BIRC6: variants seen among roughly 807,000 people sequenced by gnomAD.
BIRC6 encodes the protein baculoviral IAP repeat containing 6.
In BIRC6, 98 loss-of-function variants were observed where a neutral mutation model predicts 503.3. The observed-to-expected ratio is 0.19, with a 90% CI of 0.17 to 0.23. BIRC6 has a LOEUF of 0.23. BIRC6 is among the 10% of genes least tolerant of loss of function. The probability of loss-of-function intolerance (pLI) is 1.00; values close to 1 mark genes in which losing one functional copy is unlikely to be tolerated. For synonymous variants in BIRC6, 2,240 were observed against 2,078.7 expected, an observed-to-expected ratio of 1.08 and a Z score of -2.11; for missense variants, 5,360 against 5,806.0, an observed-to-expected ratio of 0.92 and a Z score of 2.50.
chr2:32,429,117 A>G (rs770254907), intron 10 of BIRC6, 29 bp from the exon 11 acceptor site: 9 of 1,543,928 alleles, frequency 5.8e-6, no homozygotes, highest in South Asian at 1.2e-5. Flanking sequence ...CCTATTTTTC[A>G]TGTATCTATG....
At position 32,470,153 on chromosome 2, in the gene BIRC6, T is replaced by G. The variant is rs533737157; in HGVS notation, c.6348-15T>G. 1 of 1,477,934 alleles carries G rather than the reference T, an allele frequency of 6.8e-7. No individual in the cohort carries two copies. Among genetic ancestry groups the G allele is most frequent in the Admixed American group, 2.8e-5 (1 of 35,982 alleles). The allele number at this position is 1,477,934 out of a possible 1,614,324, so 91.6% of individuals were successfully genotyped here. A position where few individuals can be genotyped will look rare whatever the true frequency, so the allele number is the denominator to read the frequency against. On this transcript the variant is annotated splice_polypyrimidine_tract_variant and intron_variant, in intron 30 of 73. Coordinates refer to ENST00000421745, the MANE Select transcript of BIRC6 (RefSeq NM_016252.4). The stretch of plus-strand genomic sequence containing the variant: ...TGATTCTTATTCTTTTCTTTTTTGT[T>G]TGTTTTGTTTTTAGGGTCTTCATGT...
Position 32,525,609 on chromosome 2 carries a change from G to A in BIRC6, c.11901G>A (p.Leu3967=). 1 of 1,613,120 alleles carries A rather than the reference G, an allele frequency of 6.2e-7. No individual in the cohort carries two copies. The highest frequency in any genetic ancestry group is 8.5e-7 in the Non-Finnish European group (1 of 1,179,584). Reference sequence around the variant, plus strand: ...TAATTACTGTCCCAGTGTTTCACCTGTTTCACAAACTCTTGGCAGGTAATA... The same window carrying A: ...TAATTACTGTCCCAGTGTTTCACCTATTTCACAAACTCTTGGCAGGTAATA... The part of the protein sequence containing the change: ...NKIITVPVFH[L]FHKLLAGQPL... Residue 3967 remains leucine (L), a synonymous_variant, in exon 59 of 74, where the codon CTG becomes CTA. Coordinates refer to ENST00000421745, the MANE Select transcript of BIRC6 (RefSeq NM_016252.4).
intron 1 of BIRC6, among the ~76,000 whole-genome samples, chr2:32,369,590 G>A (rs779445296): frequency 5.3e-5 from 8 of 151,648 alleles, no homozygotes; most frequent in Non-Finnish European, 2.9e-5. Context: ...ACCACGCCCG[G>A]CTAATTTTTG....
chr2:32,441,826 G>GA lies in BIRC6; in HGVS notation c.3945-231dup, dbSNP rs201434628. Among the ~76,000 whole-genome samples the GA allele has an allele frequency of 7.5e-3, 1,139 of 151,204 alleles. 8 individuals carry two copies. Among genetic ancestry groups the GA allele is most frequent in the Admixed American group, 0.014 (209 of 15,210 alleles). On this transcript the variant is annotated intron_variant, in intron 17 of 73. Transcript: ENST00000421745. ...AACAGAGGGACACCCAATCTCTGGAGAAAAAAAACAAAACAAAAAGAAATT... is the reference window on the plus strand; with the variant it reads ...AACAGAGGGACACCCAATCTCTGGAGAAAAAAAAACAAAACAAAAAGAAATT...
At chr2:32,407,170 G>T (rs914494476) in intron 9 of BIRC6, among the ~76,000 whole-genome samples, 2 of 152,112 alleles carry the variant, frequency 1.3e-5, no homozygotes, top group African/African-American at 4.8e-5. Flanking sequence ...ATTAGGCCAG[G>T]CTTGGTGGCT....
At chr2:32,491,176 T>A (rs2051656271) in intron 43 of BIRC6, among the ~76,000 whole-genome samples, 1 of 152,208 alleles carries the variant, frequency 6.6e-6, no homozygotes, top group Admixed American at 6.5e-5. Flanking sequence ...CTTTTCTGTT[T>A]GACTGTACTA....
intron 66 of BIRC6, among the ~76,000 whole-genome samples, chr2:32,591,857 G>C (rs2061402614): frequency 6.6e-6 from 1 of 152,168 alleles, no homozygotes; most frequent in Admixed American, 6.5e-5. Flanking sequence ...AAGAGTCTTT[G>C]TAAATTCAAA....
chr2:32,605,978 T>C (rs954566927), intron 71 of BIRC6, among the ~76,000 whole-genome samples: 1 of 152,254 alleles, frequency 6.6e-6, no homozygotes, highest in Non-Finnish European at 1.5e-5. Flanking sequence ...TTGGGTCAAA[T>C]ACGTTACTTT....
intron 1 of BIRC6, among the ~76,000 whole-genome samples, chr2:32,364,015 A>G (rs2034512196): frequency 1.3e-5 from 2 of 152,238 alleles, no homozygotes; most frequent in African/African-American, 4.8e-5. Context: ...CTTTTAGTGT[A>G]TTGGTGTGGC....
Position 32,543,251 on chromosome 2 carries a change from C to T in BIRC6, c.12302C>T (p.Pro4101Leu). The T allele has an allele frequency of 6.2e-7, 1 of 1,613,240 alleles. No individual in the cohort carries two copies. Among genetic ancestry groups the T allele is most frequent in the Non-Finnish European group, 8.5e-7 (1 of 1,179,348 alleles). ...YPEVIQQVSA[P>L]VVTSTTQEKP... The stretch of plus-strand genomic sequence containing the variant: ...TTTCTTTTTCTTTAGGTGAGTGCTC[C>T]AGTTGTAACATCTACCACTCAGGAA... Residue 4101 changes from proline (P) to leucine (L), a missense_variant, in exon 62 of 74, where the codon CCA (proline) becomes CTA (leucine). By Grantham distance (98) the Pro-to-Leu change is moderately conservative. This residue lies in a region of BIRC6 where 878 missense variants were observed against 928.9 expected (regional missense o/e 0.95). Coordinates refer to ENST00000421745, the MANE Select transcript of BIRC6 (RefSeq NM_016252.4).
chr2:32,608,697 G>A lies in BIRC6; in HGVS notation c.14259+1054G>A, dbSNP rs376106129. Among the ~76,000 whole-genome samples, 9 of 151,986 alleles carry A rather than the reference G, an allele frequency of 5.9e-5. 1 individual carries two copies. In the South Asian group the frequency reaches 1.2e-3, roughly 21 times the overall value. On this transcript the variant is annotated intron_variant, in intron 72 of 73. Transcript: ENST00000421745. ...CTCCCAAAGTGCTGGGATTACAAGC[G>A]TGAGCCACCGCCCCGGCCTATTCTT... is the stretch of plus-strand genomic sequence containing the variant.
chr2:32,543,756 G>T (rs1338058203), intron 62 of BIRC6, among the ~76,000 whole-genome samples: 3 of 152,046 alleles, frequency 2.0e-5, no homozygotes, highest in Non-Finnish European at 4.4e-5. Context: ...TTTTCCTTGT[G>T]CTGACAAAAC....
At chr2:32,471,516 T>G (rs2049097696) in intron 32 of BIRC6, among the ~76,000 whole-genome samples, 1 of 152,208 alleles carries the variant, frequency 6.6e-6, no homozygotes, top group Non-Finnish European at 1.5e-5. Flanking sequence ...ATCTACTAAT[T>G]AACTACAAAT....
At chr2:32,371,500 G>A (rs962437294) in intron 1 of BIRC6, among the ~76,000 whole-genome samples, 21 of 151,752 alleles carry the variant, frequency 1.4e-4, no homozygotes, top group Non-Finnish European at 2.2e-4. Flanking sequence ...TCAGCCTTCC[G>A]AGCAGCTGGG....
chr2:32,486,081 T>C (rs914467646), intron 40 of BIRC6, among the ~76,000 whole-genome samples: 6 of 152,212 alleles, frequency 3.9e-5, no homozygotes, highest in African/African-American at 1.4e-4. Flanking sequence ...GTGAGTTCAT[T>C]GCACTATTCC....
chr2:32,525,590 C>A lies in BIRC6; in HGVS notation c.11882C>A (p.Thr3961Asn). ...SGAEAANKII[T>N]VPVFHLFHKL... is the part of the protein sequence containing the mutation. ...GCAGAGGCTGCCAACAAAATAATTA[C>A]TGTCCCAGTGTTTCACCTGTTTCAC... is the stretch of plus-strand genomic sequence containing the variant. The change falls in exon 59 of 74, where the codon ACT becomes AAT. Residue 3961 changes from threonine to asparagine, a missense_variant. Physicochemically the swap from Thr to Asn is moderately conservative, Grantham distance 65. Around this residue, in one of 16 missense-constraint regions of BIRC6, gnomAD observed 878 missense variants for 928.9 expected, o/e 0.95. Coordinates refer to ENST00000421745, the MANE Select transcript of BIRC6 (RefSeq NM_016252.4). 6.2e-7 allele frequency: 1 copy of A among 1,613,890 alleles called. No homozygotes were observed. Among genetic ancestry groups the A allele is most frequent in the Non-Finnish European group, 8.5e-7 (1 of 1,179,848 alleles).
chr2:32,437,576 G>A (rs1189556800), intron 15 of BIRC6, among the ~76,000 whole-genome samples: 1 of 152,096 alleles, frequency 6.6e-6, no homozygotes, highest in Non-Finnish European at 1.5e-5. Context: ...GAAATGCTTG[G>A]GACCAGAAGT....
intron 45 of BIRC6, 48 bp downstream of exon 45, chr2:32,493,715 A>C: frequency 7.1e-7 from 1 of 1,404,476 alleles, no homozygotes; most frequent in Non-Finnish European, 9.8e-7. Context: ...GTAACATGTA[A>C]TTCTCCAAAT....
intron 65 of BIRC6, among the ~76,000 whole-genome samples, chr2:32,569,965 A>G (rs1487408888): frequency 6.6e-6 from 1 of 151,996 alleles, no homozygotes; most frequent in African/African-American, 2.4e-5. Flanking sequence ...ACGATGTTGA[A>G]TAAGAGTGGT....
Sources: allele counts gnomAD v4.1 joint callset (sites outside exome capture counted in the v4.1 genomes callset), GRCh38; gene constraint gnomAD v4.1.1; regional missense constraint gnomAD v4.1.1; transcripts MANE v1.5; gene names NCBI Gene and HGNC (gene_info 2026-07-23, HGNC 2026-07-21).